Variants in ZNF548 observed in about 807,000 individuals in gnomAD.
ZNF548 encodes zinc finger protein 548.
A neutral mutation model predicts 10.2 loss-of-function variants in ZNF548; 10 were observed. The ratio of observed to expected loss-of-function variants is 0.98; its 90% confidence interval spans 0.60 to 1.66. ZNF548 has a LOEUF of 1.66. Ranked by LOEUF, ZNF548 falls within the 40% of genes most tolerant of loss-of-function variation. The pLI is 0.00. For missense variants in ZNF548, 599 were observed against 657.0 expected (o/e 0.91, Z 0.97); for synonymous variants, 217 against 223.5 (o/e 0.97, Z 0.26).
intron 1 of ZNF548, chr19:57,393,916 T>C (rs1260167915): frequency 9.5e-6 from 5 of 526,626 alleles, no homozygotes; most frequent in Non-Finnish European, 3.3e-6. Flanking sequence ...GCCGCTGATA[T>C]ATATAGTACA....
At chr19:57,394,063 A>C in intron 1 of ZNF548, 125 bp from the exon 2 acceptor site, 1 of 1,034,848 alleles carries the variant, frequency 9.7e-7, no homozygotes, top group Non-Finnish European at 1.4e-6. Context: ...CTGAGGCCTG[A>C]GGAACTTTAT....
At chr19:57,391,856 C>A (rs1411490720) in intron 1 of ZNF548, among the ~76,000 whole-genome samples, 2 of 137,906 alleles carry the variant, frequency 1.5e-5, no homozygotes, top group East Asian at 4.5e-4. Flanking sequence ...TGCAGTGGCG[C>A]GATCTCGGCT....
rs562254863 is a variant in ZNF548, at chr19:57,395,508, A to T, written c.51+1285A>T. Among the ~76,000 whole-genome samples, 1 of 152,274 alleles carries T rather than the reference A, an allele frequency of 6.6e-6. No individual in the cohort carries two copies. The highest frequency in any genetic ancestry group is 1.9e-4 in the East Asian group (1 of 5,174). On this transcript the variant is annotated intron_variant, in intron 2 of 3. Transcript: ENST00000336128. This position sits in a 1 kb window ranked among gnomAD's most constrained non-coding sequence, Gnocchi z 4.8. The stretch of plus-strand genomic sequence containing the variant: ...TAACTGGGAGGCCTCAGGAAACACA[A>T]TCCTGGCGGAAGGTGAAGGGGAAGC...
chr19:57,393,931 A>T, intron 1 of ZNF548: 1 of 580,346 alleles, frequency 1.7e-6, no homozygotes, highest in Non-Finnish European at 3.0e-6. Flanking sequence ...AGTACATGCT[A>T]CTGATGTTTG....
intron 1 of ZNF548, 64 bp downstream of exon 1, chr19:57,390,178 G>C: frequency 6.4e-7 from 1 of 1,572,258 alleles, no homozygotes; most frequent in African/African-American, 1.3e-5. Context: ...CCCCCTGAAG[G>C]GGCCCTGCAG....
chr19:57,400,211 T>G lies in ZNF548; in HGVS notation c.*322T>G, dbSNP rs1159607685. 1 of 236,462 alleles carries G rather than the reference T, an allele frequency of 4.2e-6. No homozygotes were observed. The highest frequency in any genetic ancestry group is 4.9e-5 in the Admixed American group (1 of 20,520). 14.6% of individuals were successfully genotyped at this position (236,462 alleles called of 1,614,324 possible). A position where few individuals can be genotyped will look rare whatever the true frequency, so the allele number is the denominator to read the frequency against. ...CCATGTTGTATAATGTGTCAGAATA[T>G]CCTTCCTTTTTAGGTGAAATAATAT... On this transcript the variant is annotated 3_prime_UTR_variant, in exon 4 of 4. Coordinates refer to ENST00000336128, the MANE Select transcript of ZNF548 (RefSeq NM_001172773.2).
rs902120385 is a variant in ZNF548 at position 57,398,907 on chromosome 19, C to T, written c.656C>T (p.Thr219Ile). ...TGTAGTGAATGTGGGAAAACCTTCA[C>T]CTGCAGCTATTCATTTGTTGAGCAC... ...YKCSECGKTF[T>I]CSYSFVEHQK... Residue 219 changes from threonine (T) to isoleucine (I), a missense_variant, in exon 4 of 4, where the codon ACC (threonine) becomes ATC (isoleucine). Transcript: ENST00000336128. 4 of 1,614,040 alleles carry T rather than the reference C, an allele frequency of 2.5e-6. No individual in the cohort carries two copies. The highest frequency in any genetic ancestry group is 4.5e-5 in the East Asian group (2 of 44,878).
rs752295171 is a variant in ZNF548, at chr19:57,399,172, A to G, written c.921A>G (p.Thr307=). ...GGAAATTCTTTCGGTACAGCTCCAC[A>G]TTTGTTAGACATCAGAGAGTTCACA... is the stretch of plus-strand genomic sequence containing the variant. The part of the protein sequence containing the change: ...TCGKFFRYSS[T]FVRHQRVHTG... Residue 307 remains threonine (T), a synonymous_variant, in exon 4 of 4, where the codon ACA becomes ACG. Transcript: ENST00000336128. The surrounding 1 kb of genome is among the most constrained non-coding windows in gnomAD (Gnocchi z 4.0). The G allele has an allele frequency of 2.5e-6, 4 of 1,613,438 alleles. No individual in the cohort carries two copies. The highest frequency in any genetic ancestry group is 1.1e-5 in the South Asian group (1 of 91,054).
intron 2 of ZNF548, 91 bp from the exon 3 acceptor site, chr19:57,396,957 T>C (rs2088670127): frequency 6.6e-7 from 1 of 1,507,034 alleles, no homozygotes; most frequent in Non-Finnish European, 8.9e-7. Context: ...CTGTGTTTAA[T>C]GGGTGGTAAA....
At chr19:57,393,495 T>C (rs1406714268) in intron 1 of ZNF548, among the ~76,000 whole-genome samples, 1 of 151,262 alleles carries the variant, frequency 6.6e-6, no homozygotes, top group Non-Finnish European at 1.5e-5. Context: ...ACCCTGTCTC[T>C]ACTAAAAATA....
rs1389942122 is a variant in ZNF548 at position 57,399,642 on chromosome 19, G to C, written c.1391G>C (p.Arg464Thr). 6.2e-7 allele frequency: 1 copy of C among 1,614,074 alleles called. No individual in the cohort carries two copies. Among genetic ancestry groups the C allele is most frequent in the East Asian group, 2.2e-5 (1 of 44,866 alleles). ...NHTGERPYEC[R>T]ECGKAFSHKH... ...ACTGGAGAAAGGCCTTACGAGTGCA[G>C]AGAGTGTGGGAAAGCCTTTAGCCAC... The change falls in exon 4 of 4, where the codon AGA becomes ACA. Residue 464 changes from arginine to threonine, a missense_variant. Arg to Thr is a moderately conservative substitution (Grantham distance 71). Transcript: ENST00000336128. The surrounding 1 kb of genome is among the most constrained non-coding windows in gnomAD (Gnocchi z 4.0).
At position 57,399,665 on chromosome 19, in the gene ZNF548, C is replaced by T. The variant is rs1318366882; in HGVS notation, c.1414C>T (p.His472Tyr). 6.2e-7 allele frequency: 1 copy of T among 1,613,670 alleles called. No individual in the cohort carries two copies. Among genetic ancestry groups the T allele is most frequent in the Admixed American group, 1.7e-5 (1 of 59,976 alleles). Residue 472 changes from histidine (H) to tyrosine (Y), a missense_variant, in exon 4 of 4, where the codon CAC becomes TAC. By Grantham distance (83) the His-to-Tyr change is moderately conservative (BLOSUM62 2). Coordinates refer to ENST00000336128, the MANE Select transcript of ZNF548 (RefSeq NM_001172773.2). The surrounding 1 kb of genome is among the most constrained non-coding windows in gnomAD (Gnocchi z 4.0). ...ECRECGKAFSHKHILVEHQKI... is the reference protein window; with the variant it reads ...ECRECGKAFSYKHILVEHQKI... ...CAGAGAGTGTGGGAAAGCCTTTAGCCACAAGCATATACTTGTTGAGCACCA... is the reference window on the plus strand; with the variant it reads ...CAGAGAGTGTGGGAAAGCCTTTAGCTACAAGCATATACTTGTTGAGCACCA...
At position 57,394,187 on chromosome 19, in the gene ZNF548, G is replaced by C; in HGVS notation, c.16-1G>C. ...TTCTCACGGCCTTTCTCTTCCCTCA[G>C]GGTCCCCTGGCGATGGCAGAAATGG... On this transcript the variant is annotated splice_acceptor_variant, in intron 1 of 3. Transcript: ENST00000336128. LOFTEE classifies it high-confidence loss of function. 11 of 1,603,748 alleles carry C rather than the reference G, an allele frequency of 6.9e-6. No individual in the cohort carries two copies. The highest frequency in any genetic ancestry group is 9.3e-6 in the Non-Finnish European group (11 of 1,179,248).
rs1319925913 is a variant in ZNF548, at chr19:57,398,888, G to A, written c.637G>A (p.Glu213Lys). The stretch of plus-strand genomic sequence containing the variant: ...TGGACAAAATGATTACAAATGTAGT[G>A]AATGTGGGAAAACCTTCACCTGCAG... The part of the protein sequence containing the change: ...QTGQNDYKCS[E>K]CGKTFTCSYS... Residue 213 changes from glutamate to lysine, a missense_variant, in exon 4 of 4, where the codon GAA becomes AAA. Glu to Lys is a moderately conservative substitution (Grantham distance 56). Transcript: ENST00000336128. The A allele has an allele frequency of 6.2e-7, 1 of 1,614,050 alleles. No individual in the cohort carries two copies. Among genetic ancestry groups the A allele is most frequent in the African/African-American group, 1.3e-5 (1 of 75,056 alleles).
chr19:57,397,269 G>A (rs1036513517), intron 3 of ZNF548, 95 bp downstream of exon 3: 1 of 1,435,754 alleles, frequency 7.0e-7, no homozygotes, highest in Admixed American at 2.5e-5. Context: ...GAGACCGTGG[G>A]TGCTGCTTCT....
In ZNF548 at chr19:57,390,295, T is replaced by C. The variant is rs145194056; in HGVS notation, c.15+181T>C. ...CGTTAGGGACCTCAGGTTCAGAGCA[T>C]GGAGGCGCTGCCGAGTGGGCTGTGT... On this transcript the variant is annotated intron_variant, in intron 1 of 3. Transcript: ENST00000336128. 95 of 574,618 alleles carry C rather than the reference T, an allele frequency of 1.7e-4. No individual in the cohort carries two copies. In the East Asian group the frequency reaches 2.1e-3, roughly 13 times the overall value. 35.6% of individuals were successfully genotyped at this position (574,618 alleles called of 1,614,324 possible). A position where few individuals can be genotyped will look rare whatever the true frequency, so the allele number is the denominator to read the frequency against.
At position 57,397,183 on chromosome 19, in the gene ZNF548, C is replaced by G. The variant is rs760309023; in HGVS notation, c.178+9C>G. Reference sequence around the variant, plus strand: ...CCTTTTGTCCTCACTAGGTAAGGCCCTCACACTTGCCCAGTGTCCTGGGTT... The same window carrying G: ...CCTTTTGTCCTCACTAGGTAAGGCCGTCACACTTGCCCAGTGTCCTGGGTT... On this transcript the variant is annotated intron_variant, in intron 3 of 3. Transcript: ENST00000336128. The G allele has an allele frequency of 1.9e-6, 3 of 1,592,768 alleles. No homozygotes were observed. Among genetic ancestry groups the G allele is most frequent in the Admixed American group, 3.5e-5 (2 of 56,882 alleles).
Position 57,395,816 on chromosome 19 carries a change from C to A in ZNF548, c.52-1232C>A, listed in dbSNP as rs2088660858. 6.6e-6 allele frequency among the ~76,000 whole-genome samples: 1 copy of A among 152,026 alleles called. No individual in the cohort carries two copies. The highest frequency in any genetic ancestry group is 1.5e-5 in the Non-Finnish European group (1 of 68,014). On this transcript the variant is annotated intron_variant, in intron 2 of 3. Transcript: ENST00000336128. This position sits in a 1 kb window ranked among gnomAD's most constrained non-coding sequence, Gnocchi z 4.8. ...CTTGGAATGAGGTTTTGGTGGAGAG[C>A]AATTTTCCTGACTGTTTATGGGACA...
In ZNF548 at chr19:57,399,810, T is replaced by C. The variant is rs569219779; in HGVS notation, c.1559T>C (p.Met520Thr). ...AGTGAAGAGAGGCTTGTGTGCTCCA[T>C]GAATGTGGGGAATTCTTTAGCTAAA... ...IHSEERLVCSMNVGNSLAKTP... is the reference protein window; with the variant it reads ...IHSEERLVCSTNVGNSLAKTP... The change falls in exon 4 of 4, where the codon ATG becomes ACG. Residue 520 changes from methionine (M) to threonine (T), a missense_variant. Coordinates refer to ENST00000336128, the MANE Select transcript of ZNF548 (RefSeq NM_001172773.2). This position sits in a 1 kb window ranked among gnomAD's most constrained non-coding sequence, Gnocchi z 4.0. 3.2e-5 allele frequency: 52 copies of C among 1,613,976 alleles called. 1 individual carries two copies. Among genetic ancestry groups the C allele is most frequent in the Non-Finnish European group, 6.8e-6 (8 of 1,179,852 alleles).
Sources: allele counts gnomAD v4.1 joint callset (sites outside exome capture counted in the v4.1 genomes callset), GRCh38; gene constraint gnomAD v4.1.1; non-coding constraint Gnocchi (gnomAD v3.1); transcripts MANE v1.5; gene names NCBI Gene and HGNC (gene_info 2026-07-23, HGNC 2026-07-21).